Variants in KCTD8 observed in about 807,000 individuals in gnomAD.
The protein encoded by KCTD8 is BTB/POZ domain-containing protein KCTD8.
KCTD8 carries 27 observed loss-of-function variants against 31.5 expected under a neutral mutation model. That is an observed-to-expected ratio of 0.86 (90% confidence interval 0.63 to 1.18). The LOEUF is 1.18. Among genes scored for constraint, KCTD8 ranks in the 50% most tolerant of loss-of-function variants. The probability of loss-of-function intolerance (pLI) is 0.00; values close to 1 mark genes in which losing one functional copy is unlikely to be tolerated. For synonymous variants in KCTD8, 290 were observed against 280.0 expected, an observed-to-expected ratio of 1.04 and a Z score of -0.36; for missense variants, 658 against 647.7, an observed-to-expected ratio of 1.02 and a Z score of -0.17.
At chr4:44,293,767 A>G (rs779614816) in intron 1 of KCTD8, 5 of 451,150 alleles carry the variant, frequency 1.1e-5, no homozygotes, top group South Asian at 7.9e-5. Context: ...AAACATAGCC[A>G]CTTGAAAATT....
Position 44,302,947 on chromosome 4 carries a change from A to C in KCTD8, c.962-127697T>G, listed in dbSNP as rs546848872. ...GCATGAAGGGTTGTTGAATTTTGTC[A>C]AAGGCCTTTTCTGCATCTATTGAGA... On this transcript the variant is annotated intron_variant, in intron 1 of 1. Transcript: ENST00000360029. 7.8e-3 allele frequency among the ~76,000 whole-genome samples: 1,187 copies of C among 152,196 alleles called. 17 individuals carry two copies. The highest frequency in any genetic ancestry group is 0.027 in the African/African-American group (1,107 of 41,490).
chr4:44,235,737 C>T lies in KCTD8; in HGVS notation c.962-60487G>A, dbSNP rs79693011. Among the ~76,000 whole-genome samples the T allele has an allele frequency of 5.3e-3, 797 of 151,294 alleles. 27 individuals carry two copies. In the South Asian group the frequency reaches 0.077, roughly 15 times the overall value. On this transcript the variant is annotated intron_variant, in intron 1 of 1. Coordinates refer to ENST00000360029, the MANE Select transcript of KCTD8 (RefSeq NM_198353.3). ...ATAGGATTTAACAGAGAAATAATAT[C>T]ATATATCTCTCAATTATATAGCACA...
In KCTD8 at chr4:44,421,348, C is replaced by T. The variant is rs144221687; in HGVS notation, c.961+26215G>A. ...TGTGTGCATCTCATTTTGATGACCACATGACCTCATACTTTAAGTGTTCTT... is the reference window on the plus strand; with the variant it reads ...TGTGTGCATCTCATTTTGATGACCATATGACCTCATACTTTAAGTGTTCTT... On this transcript the variant is annotated intron_variant, in intron 1 of 1. Transcript: ENST00000360029. Among the ~76,000 whole-genome samples, 548 of 152,138 alleles carry T rather than the reference C, an allele frequency of 3.6e-3. 2 individuals carry two copies. Among genetic ancestry groups the T allele is most frequent in the Non-Finnish European group, 5.7e-3 (386 of 67,984 alleles).
intron 1 of KCTD8, among the ~76,000 whole-genome samples, chr4:44,316,146 AT>A (rs986048606): frequency 6.6e-6 from 1 of 151,426 alleles, no homozygotes; most frequent in East Asian, 1.9e-4. Context: ...AATTTCCTTG[AT>A]TTTTTTCTTT....
chr4:44,284,923 T>C (rs1018997181), intron 1 of KCTD8, among the ~76,000 whole-genome samples: 1 of 152,284 alleles, frequency 6.6e-6, no homozygotes, highest in Middle Eastern at 3.4e-3. Flanking sequence ...CACAATGAGA[T>C]ACCATCTCAT....
At chr4:44,301,858 A>G (rs1435231603) in intron 1 of KCTD8, among the ~76,000 whole-genome samples, 2 of 152,176 alleles carry the variant, frequency 1.3e-5, no homozygotes, top group Admixed American at 1.3e-4. Flanking sequence ...TAGTTCTAAC[A>G]TTTAAGTCTT....
chr4:44,311,774 G>A (rs892762438), intron 1 of KCTD8, among the ~76,000 whole-genome samples: 4 of 151,480 alleles, frequency 2.6e-5, no homozygotes, highest in Non-Finnish European at 5.9e-5. Context: ...TCTCAACTCC[G>A]TGGCTTGATT....
At chr4:44,420,939 T>G (rs374432753) in intron 1 of KCTD8, among the ~76,000 whole-genome samples, 8 of 152,124 alleles carry the variant, frequency 5.3e-5, no homozygotes, top group East Asian at 1.9e-4. Flanking sequence ...CTAGGATGAT[T>G]GTCATCCAAA....
intron 1 of KCTD8, among the ~76,000 whole-genome samples, chr4:44,252,705 A>G (rs1715878299): frequency 6.6e-6 from 1 of 151,724 alleles, no homozygotes; most frequent in Non-Finnish European, 1.5e-5. Flanking sequence ...GCCTTGCCCT[A>G]GTGTAATTTT....
At chr4:44,266,593 A>C (rs1716375158) in intron 1 of KCTD8, among the ~76,000 whole-genome samples, 1 of 150,922 alleles carries the variant, frequency 6.6e-6, no homozygotes, top group African/African-American at 2.4e-5. Flanking sequence ...AAAGACACAG[A>C]CTGGCAAATT....
chr4:44,390,932 A>T (rs1720355164), intron 1 of KCTD8, among the ~76,000 whole-genome samples: 1 of 151,958 alleles, frequency 6.6e-6, no homozygotes, highest in Non-Finnish European at 1.5e-5. Context: ...AAATCCCATG[A>T]CTAGGTATCT....
At chr4:44,425,149 T>G (rs1330001298) in intron 1 of KCTD8, among the ~76,000 whole-genome samples, 1 of 152,012 alleles carries the variant, frequency 6.6e-6, no homozygotes, top group East Asian at 1.9e-4. Flanking sequence ...GTGACAAATT[T>G]TTGTTGTTTA....
At position 44,337,673 on chromosome 4, in the gene KCTD8, C is replaced by CAAA. The variant is rs772899561; in HGVS notation, c.961+109887_961+109889dup. 8.2e-3 allele frequency among the ~76,000 whole-genome samples: 575 copies of CAAA among 70,492 alleles called. 2 individuals are homozygous for CAAA. The highest frequency in any genetic ancestry group is 0.037 in the Middle Eastern group (3 of 82). The allele number at this position is 70,492 out of a possible 152,430, so 46.2% of individuals were successfully genotyped here. A position where few individuals can be genotyped will look rare whatever the true frequency, so the allele number is the denominator to read the frequency against. ...TGAGTGACAGAGCAAGACTCGATCT[C>CAAA]AAAAAATATATATATATATATATAT... On this transcript the variant is annotated intron_variant, in intron 1 of 1. Transcript: ENST00000360029.
chr4:44,427,900 T>A (rs1403132191), intron 1 of KCTD8, among the ~76,000 whole-genome samples: 2 of 151,830 alleles, frequency 1.3e-5, no homozygotes, highest in Non-Finnish European at 2.9e-5. Context: ...ACAAGAGTAT[T>A]CCAAATGATT....
At chr4:44,396,353 T>C (rs533598092) in intron 1 of KCTD8, among the ~76,000 whole-genome samples, 1 of 152,248 alleles carries the variant, frequency 6.6e-6, no homozygotes, top group African/African-American at 2.4e-5. Context: ...GCTTTCTAAA[T>C]GGCTATGGAC....
intron 1 of KCTD8, among the ~76,000 whole-genome samples, chr4:44,276,857 T>C (rs1163183046): frequency 6.6e-6 from 1 of 151,928 alleles, no homozygotes; most frequent in African/African-American, 2.4e-5. Context: ...TTACTGAAAA[T>C]AATTTTTTCA....
At chr4:44,217,166 A>G (rs1222653945) in intron 1 of KCTD8, among the ~76,000 whole-genome samples, 2 of 152,196 alleles carry the variant, frequency 1.3e-5, no homozygotes, top group Non-Finnish European at 2.9e-5. Flanking sequence ...AGAGCCCACT[A>G]TGTGATAGCC....
intron 1 of KCTD8, among the ~76,000 whole-genome samples, chr4:44,306,414 C>T (rs1717807190): frequency 6.6e-6 from 1 of 151,956 alleles, no homozygotes; most frequent in Non-Finnish European, 1.5e-5. Flanking sequence ...ATATGTCTCT[C>T]AGATCCAAAG....
chr4:44,408,193 T>C (rs1358656390), intron 1 of KCTD8, among the ~76,000 whole-genome samples: 1 of 152,176 alleles, frequency 6.6e-6, no homozygotes, highest in East Asian at 1.9e-4. Flanking sequence ...CCTAATTCTA[T>C]ACCCAATGAA....
Sources: allele counts gnomAD v4.1 joint callset (sites outside exome capture counted in the v4.1 genomes callset), GRCh38; gene constraint gnomAD v4.1.1; transcripts MANE v1.5; gene names NCBI Gene and HGNC (gene_info 2026-07-23, HGNC 2026-07-21).